Variants in COA1 observed in about 807,000 individuals in gnomAD.
COA1 encodes cytochrome c oxidase assembly factor 1.
COA1 carries 13 observed loss-of-function variants against 16.0 expected under a neutral mutation model. That is an observed-to-expected ratio of 0.81 (90% CI 0.53 to 1.29). The LOEUF is 1.29. Ranked by LOEUF, COA1 falls within the 50% of genes most tolerant of loss-of-function variation. COA1 has a pLI of 0.00. For missense variants in COA1, 179 were observed against 177.0 expected (o/e 1.01, Z -0.06); for synonymous variants, 65 against 65.7 (o/e 0.99, Z 0.05).
chr7:43,617,003 C>A (rs746602564), intron 6 of COA1, among the ~76,000 whole-genome samples: 1 of 152,192 alleles, frequency 6.6e-6, no homozygotes, highest in African/African-American at 2.4e-5. Context: ...GGCCTTCTCA[C>A]CAAGTTGAGA....
At chr7:43,713,810 G>A (rs1563461041) in intron 1 of COA1, among the ~76,000 whole-genome samples, 1 of 152,114 alleles carries the variant, frequency 6.6e-6, no homozygotes, top group Non-Finnish European at 1.5e-5. Context: ...AGGCCAAGGT[G>A]GGCAGATCAT....
At chr7:43,697,439 A>G (rs940422768) in intron 1 of COA1, among the ~76,000 whole-genome samples, 7 of 151,938 alleles carry the variant, frequency 4.6e-5, no homozygotes, top group Admixed American at 4.6e-4. Context: ...CTACAGGGGC[A>G]TGTGTCACCA....
chr7:43,627,559 T>A (rs2084698087), intron 6 of COA1, among the ~76,000 whole-genome samples: 1 of 152,204 alleles, frequency 6.6e-6, no homozygotes, highest in Non-Finnish European at 1.5e-5. Context: ...TAATCCTAAA[T>A]ACATTTTAAA....
At chr7:43,678,763 T>C (rs1377789751) in intron 1 of COA1, among the ~76,000 whole-genome samples, 1 of 151,974 alleles carries the variant, frequency 6.6e-6, no homozygotes, top group Non-Finnish European at 1.5e-5. Flanking sequence ...CACCACTACT[T>C]CACACCCATT....
At chr7:43,721,144 TA>T (rs2095498163) in intron 1 of COA1, among the ~76,000 whole-genome samples, 1 of 152,246 alleles carries the variant, frequency 6.6e-6, no homozygotes, top group Admixed American at 6.5e-5. Flanking sequence ...AGGAAAGAGT[TA>T]ATTCATAATT....
At chr7:43,636,219 A>ACTC (rs1242699161), downstream of COA1, among the ~76,000 whole-genome samples, 1 of 152,170 alleles carries the variant, frequency 6.6e-6, no homozygotes, top group African/African-American at 2.4e-5. Context: ...AGTGCTTTCA[A>ACTC]CTCAGGAACT....
At chr7:43,624,490 CTT>C in intron 6 of COA1, 1 of 1,570,114 alleles carries the variant, frequency 6.4e-7, no homozygotes, top group Non-Finnish European at 8.6e-7. Flanking sequence ...TCTAACATGT[CTT>C]AACTGTAAAA....
chr7:43,630,434 CTT>C (rs765400088), intron 6 of COA1, among the ~76,000 whole-genome samples: 167 of 152,222 alleles, frequency 1.1e-3, no homozygotes, highest in Non-Finnish European at 2.0e-3. Context: ...ATTAGTATCT[CTT>C]TAGTTATCTC....
At chr7:43,705,859 C>T (rs1381917776) in intron 1 of COA1, among the ~76,000 whole-genome samples, 2 of 152,210 alleles carry the variant, frequency 1.3e-5, no homozygotes, top group African/African-American at 4.8e-5. Context: ...CTCACCCCAT[C>T]CCTAGGAGCG....
At chr7:43,683,709 G>A (rs945895877) in intron 1 of COA1, among the ~76,000 whole-genome samples, 1 of 152,054 alleles carries the variant, frequency 6.6e-6, no homozygotes. Flanking sequence ...CTATGTGCCA[G>A]GTACTGTTTT....
chr7:43,674,440 T>C (rs536235953), intron 1 of COA1, among the ~76,000 whole-genome samples: 1 of 152,304 alleles, frequency 6.6e-6, no homozygotes, highest in South Asian at 2.1e-4. Flanking sequence ...GTGGTAAGCA[T>C]CTAATACACA....
chr7:43,655,056 T>C (rs977659230), intron 1 of COA1, among the ~76,000 whole-genome samples: 1 of 152,222 alleles, frequency 6.6e-6, no homozygotes, highest in African/African-American at 2.4e-5. Context: ...TCCTTAAAAA[T>C]AATGGCATAT....
At chr7:43,675,231 C>T (rs2093457627) in intron 1 of COA1, among the ~76,000 whole-genome samples, 1 of 152,194 alleles carries the variant, frequency 6.6e-6, no homozygotes, top group East Asian at 1.9e-4. Flanking sequence ...CACATATACA[C>T]CATGGAATAC....
intron 1 of COA1, among the ~76,000 whole-genome samples, chr7:43,679,875 A>G (rs1484701170): frequency 6.6e-6 from 1 of 152,124 alleles, no homozygotes; most frequent in Non-Finnish European, 1.5e-5. Flanking sequence ...ATAAAATGAC[A>G]GGTTGGAAAC....
chr7:43,646,448 AG>A, intron 3 of COA1: 1 of 413,980 alleles, frequency 2.4e-6, no homozygotes, highest in South Asian at 1.7e-5. Flanking sequence ...CACACCAATA[AG>A]GTAACTAATG....
At chr7:43,721,782 T>G (rs1385018481) in intron 1 of COA1, among the ~76,000 whole-genome samples, 1 of 151,578 alleles carries the variant, frequency 6.6e-6, no homozygotes, top group Admixed American at 6.6e-5. Context: ...GTACGGTAAT[T>G]TAAAAAAAAA....
intron 6 of COA1, among the ~76,000 whole-genome samples, chr7:43,618,799 T>C (rs2153003082): frequency 6.6e-6 from 1 of 152,322 alleles, no homozygotes; most frequent in Admixed American, 6.5e-5. Flanking sequence ...GTACATGTCC[T>C]CACCCCACAT....
At chr7:43,654,385 A>G (rs73314243) in intron 1 of COA1, among the ~76,000 whole-genome samples, 1,670 of 152,338 alleles carry the variant, frequency 0.011, 41 homozygotes, top group African/African-American at 0.038. Context: ...ATGGAGAAAA[A>G]TATCACTTTG....
intron 1 of COA1, among the ~76,000 whole-genome samples, chr7:43,687,942 T>G (rs1047012875): frequency 6.6e-6 from 1 of 152,172 alleles, no homozygotes; most frequent in Non-Finnish European, 1.5e-5. Flanking sequence ...GGTAACTGAA[T>G]CATGGGGGCC....
Sources: gnomAD v4.1 joint callset for allele counts (sites outside exome capture counted in the v4.1 genomes callset) on GRCh38, gnomAD v4.1.1 for gene constraint, MANE v1.5 for transcripts, NCBI Gene and HGNC (gene_info 2026-07-23, HGNC 2026-07-21) for gene names.